The following FRYL variants were observed in gnomAD, a reference collection of about 807,000 sequenced individuals.
FRYL encodes the protein protein furry homolog-like.
A neutral mutation model predicts 351.2 loss-of-function variants in FRYL; 150 were observed. The ratio of observed to expected loss-of-function variants is 0.43; its 90% CI spans 0.37 to 0.49. The LOEUF is 0.49. Among genes scored for constraint, FRYL ranks in the 20% least tolerant of loss-of-function variants. The pLI is 0.00. For synonymous variants in FRYL, 1,153 were observed against 1,257.1 expected, an observed-to-expected ratio of 0.92 and a Z score of 1.75; for missense variants, 3,036 against 3,619.3, an observed-to-expected ratio of 0.84 and a Z score of 4.13.
At chr4:48,627,734 T>C (rs766627754) in intron 4 of FRYL, among the ~76,000 whole-genome samples, 17 of 152,186 alleles carry the variant, frequency 1.1e-4, no homozygotes, top group African/African-American at 1.4e-4. Context: ...TATAGTGTAG[T>C]TGAGGATGCC....
At chr4:48,525,365 C>A (rs1725870474) in intron 53 of FRYL, among the ~76,000 whole-genome samples, 1 of 151,982 alleles carries the variant, frequency 6.6e-6, no homozygotes, top group African/African-American at 2.4e-5. Flanking sequence ...TCCATAGGAG[C>A]CTACACAGCT....
At chr4:48,632,055 C>CAAA (rs71660455) in intron 4 of FRYL, among the ~76,000 whole-genome samples, 2 of 22,604 alleles carry the variant, frequency 8.8e-5, no homozygotes, top group Non-Finnish European at 1.4e-4. Flanking sequence ...CCTGTCTCTC[C>CAAA]AAAAAAAAAA....
intron 7 of FRYL, among the ~76,000 whole-genome samples, chr4:48,611,111 A>AC (rs1432981425): frequency 8.6e-5 from 13 of 151,750 alleles, no homozygotes; most frequent in Non-Finnish European, 1.8e-4. Context: ...TGGTTCCAGG[A>AC]CCCCCGTGAT....
At chr4:48,565,292 G>A (rs1736526568) in intron 29 of FRYL, among the ~76,000 whole-genome samples, 1 of 152,112 alleles carries the variant, frequency 6.6e-6, no homozygotes, top group East Asian at 1.9e-4. Context: ...GGGAAAAAAG[G>A]CATTTCTTTC....
chr4:48,601,545 GC>G (rs1745698473), intron 13 of FRYL, among the ~76,000 whole-genome samples: 1 of 152,108 alleles, frequency 6.6e-6, no homozygotes, highest in African/African-American at 2.4e-5. Flanking sequence ...CATTTCAGGA[GC>G]TTTTACATCT....
intron 56 of FRYL, among the ~76,000 whole-genome samples, chr4:48,513,271 G>A (rs1404731873): frequency 3.3e-5 from 5 of 152,130 alleles, no homozygotes; most frequent in South Asian, 2.1e-4. Context: ...CCAGGACTAC[G>A]GGTCCAAATG....
At chr4:48,621,929 T>C (rs1402429980) in intron 5 of FRYL, among the ~76,000 whole-genome samples, 1 of 152,130 alleles carries the variant, frequency 6.6e-6, no homozygotes, top group East Asian at 1.9e-4. Flanking sequence ...ATAAACAAGG[T>C]TCTAATTTTA....
In FRYL at chr4:48,774,813, G is replaced by A. The variant is rs1416254948; in HGVS notation, c.-384+5265C>T. ...CCGCCCACCTCAGTCTCCGAGTGCCGGGATTACAGGCGTGAGCCACCGCGT... is the reference window on the plus strand; with the variant it reads ...CCGCCCACCTCAGTCTCCGAGTGCCAGGATTACAGGCGTGAGCCACCGCGT... On this transcript the variant is annotated intron_variant, in intron 1 of 63. Coordinates refer to ENST00000358350, the MANE Select transcript of FRYL (RefSeq NM_015030.2). Among the ~76,000 whole-genome samples, 4 of 152,040 alleles carry A rather than the reference G, an allele frequency of 2.6e-5. No individual in the cohort carries two copies. The East Asian group carries it at 7.7e-4, about 29-fold the overall frequency.
chr4:48,754,668 G>GGTTT (rs1348886664), intron 1 of FRYL, among the ~76,000 whole-genome samples: 1 of 142,236 alleles, frequency 7.0e-6, no homozygotes, highest in Admixed American at 7.0e-5. Context: ...TTTTTTTGGG[G>GGTTT]TTTTTTTTTT....
chr4:48,659,408 A>AAG lies in FRYL; in HGVS notation c.-80-24920_-80-24919dup, dbSNP rs1560807016. Among the ~76,000 whole-genome samples, 25 of 3,174 alleles carry AAG rather than the reference A, an allele frequency of 7.9e-3. 10 individuals are homozygous for AAG. Among genetic ancestry groups the AAG allele is most frequent in the Middle Eastern group, 0.33 (2 of 6 alleles). 2.1% of individuals were successfully genotyped at this position (3,174 alleles called of 152,430 possible). A position where few individuals can be genotyped will look rare whatever the true frequency, so the allele number is the denominator to read the frequency against. On this transcript the variant is annotated intron_variant, in intron 3 of 63. Coordinates refer to ENST00000358350, the MANE Select transcript of FRYL (RefSeq NM_015030.2). ...GGAGAAGGAGAAGAAGGAGAAGGAG[A>AAG]AGGAGAAGGAGAAGGAGAAGAGGAA...
At chr4:48,685,557 C>A (rs1765063109) in intron 2 of FRYL, among the ~76,000 whole-genome samples, 1 of 152,094 alleles carries the variant, frequency 6.6e-6, no homozygotes, top group Admixed American at 6.5e-5. Flanking sequence ...TTTATCACAT[C>A]TACAGATAAC....
chr4:48,620,137 A>T (rs116241490), intron 6 of FRYL, among the ~76,000 whole-genome samples: 192 of 152,322 alleles, frequency 1.3e-3, no homozygotes, highest in African/African-American at 4.3e-3. Context: ...TCACCTGAAC[A>T]CACGTGGCTC....
intron 31 of FRYL, among the ~76,000 whole-genome samples, chr4:48,563,275 G>T (rs1201416331): frequency 7.0e-6 from 1 of 142,630 alleles, no homozygotes; most frequent in East Asian, 2.0e-4. Flanking sequence ...AACAGCTGAT[G>T]AACTAAAAAA....
chr4:48,723,083 T>G (rs1186070561), intron 1 of FRYL, among the ~76,000 whole-genome samples: 1 of 151,172 alleles, frequency 6.6e-6, no homozygotes, highest in South Asian at 2.1e-4. Flanking sequence ...ACCTAACAGG[T>G]TTTTTTTTGT....
At chr4:48,774,754 G>T (rs1775844562) in intron 1 of FRYL, among the ~76,000 whole-genome samples, 2 of 152,024 alleles carry the variant, frequency 1.3e-5, no homozygotes, top group African/African-American at 4.8e-5. Flanking sequence ...CACTATGTTG[G>T]CCAGGCTGGT....
Position 48,540,063 on chromosome 4 carries a change from GA to G in FRYL, c.6300del (p.Pro2101LeufsTer11). On this transcript the variant is annotated frameshift_variant, in exon 47 of 64. Coordinates refer to ENST00000358350, the MANE Select transcript of FRYL (RefSeq NM_015030.2). LOFTEE classifies it high-confidence loss of function. ...TLVDPSQLSG[F>X]PLNILCLLPH... ...GGCAATAAGCAAAGGATGTTAAGAGGAAAGCCTATCAAAACAAAAAAAAGCA... is the reference window on the plus strand; with the variant it reads ...GGCAATAAGCAAAGGATGTTAAGAGGAAGCCTATCAAAACAAAAAAAAGCA... 6.2e-7 allele frequency: 1 copy of G among 1,609,390 alleles called. No homozygotes were observed. The highest frequency in any genetic ancestry group is 8.5e-7 in the Non-Finnish European group (1 of 1,178,078).
intron 33 of FRYL, among the ~76,000 whole-genome samples, chr4:48,560,949 G>C (rs1276906543): frequency 6.6e-6 from 1 of 152,174 alleles, no homozygotes; most frequent in Non-Finnish European, 1.5e-5. Context: ...CAGTGTTGGA[G>C]CATGGCCAGT....
intron 3 of FRYL, chr4:48,653,798 C>G: frequency 2.3e-6 from 3 of 1,284,034 alleles, no homozygotes; most frequent in Non-Finnish European, 2.0e-6. Context: ...GTGTCTCAAT[C>G]AGCTGCAAAA....
chr4:48,661,798 T>C (rs1029433537), intron 3 of FRYL, among the ~76,000 whole-genome samples: 3 of 152,118 alleles, frequency 2.0e-5, no homozygotes, highest in Non-Finnish European at 4.4e-5. Context: ...ATGACAGAAT[T>C]GATAGGTTCT....
Sources: gnomAD v4.1 joint callset for allele counts (sites outside exome capture counted in the v4.1 genomes callset) on GRCh38, gnomAD v4.1.1 for gene constraint, MANE v1.5 for transcripts, NCBI Gene and HGNC (gene_info 2026-07-23, HGNC 2026-07-21) for gene names.